KCNQ5: variants seen among roughly 807,000 people sequenced by gnomAD.
The protein encoded by KCNQ5 is potassium voltage-gated channel subfamily KQT member 5.
KCNQ5 carries 30 observed loss-of-function variants against 98.2 expected under a neutral mutation model. The observed-to-expected ratio is 0.31, with a 90% CI of 0.23 to 0.41. The LOEUF (loss-of-function observed/expected upper bound fraction) is 0.41, where lower values mean the gene tolerates loss of function less well. Among genes scored for constraint, KCNQ5 ranks in the 10% least tolerant of loss-of-function variants. The pLI, the probability that KCNQ5 is intolerant of heterozygous loss-of-function variation, is 1.00. For missense variants in KCNQ5, 835 were observed against 1,182.5 expected (o/e 0.71, Z 4.31); for synonymous variants, 458 against 449.4 (o/e 1.02, Z -0.24).
chr6:73,077,200 G>A (rs1361415600), intron 3 of KCNQ5, 122 bp from the exon 4 acceptor site: 4 of 935,554 alleles, frequency 4.3e-6, no homozygotes, highest in African/African-American at 1.7e-5. Flanking sequence ...GGTGCAGCTG[G>A]GAATCAAGAT....
chr6:72,777,327 A>G (rs1465681329), intron 1 of KCNQ5, among the ~76,000 whole-genome samples: 1 of 152,192 alleles, frequency 6.6e-6, no homozygotes, highest in African/African-American at 2.4e-5. Flanking sequence ...GTTGGTTTAG[A>G]AAAGTGGTGA....
At chr6:72,979,890 A>C (rs1046173202) in intron 1 of KCNQ5, among the ~76,000 whole-genome samples, 4 of 152,234 alleles carry the variant, frequency 2.6e-5, no homozygotes, top group African/African-American at 9.6e-5. Context: ...AGCTTTCTAC[A>C]TATGGCTAGC....
intron 1 of KCNQ5, among the ~76,000 whole-genome samples, chr6:72,793,126 G>T (rs1466310171): frequency 6.6e-6 from 1 of 152,176 alleles, no homozygotes; most frequent in South Asian, 2.1e-4. Context: ...TATCCTGCTG[G>T]ACAGTTATGT....
At chr6:73,009,605 A>T (rs1769972653) in intron 2 of KCNQ5, among the ~76,000 whole-genome samples, 1 of 152,184 alleles carries the variant, frequency 6.6e-6, no homozygotes, top group South Asian at 2.1e-4. Context: ...GGCTGTTAGA[A>T]AAGGTTGACA....
Position 72,746,886 on chromosome 6 carries a change from G to C in KCNQ5, c.398+124299G>C, listed in dbSNP as rs73753891. Among the ~76,000 whole-genome samples the C allele has an allele frequency of 7.0e-3, 1,064 of 152,032 alleles. 12 individuals are homozygous for C. The highest frequency in any genetic ancestry group is 0.025 in the African/African-American group (1,017 of 41,470). ...TTATAGATACTAATGTAGTAGTTGC[G>C]GAAAATAATGACGCTCTTTGATTCT... is the stretch of plus-strand genomic sequence containing the variant. On this transcript the variant is annotated intron_variant, in intron 1 of 13. Coordinates refer to ENST00000370398, the MANE Select transcript of KCNQ5 (RefSeq NM_019842.4).
chr6:72,771,613 A>G (rs532486957), intron 1 of KCNQ5, among the ~76,000 whole-genome samples: 1 of 151,186 alleles, frequency 6.6e-6, no homozygotes, highest in East Asian at 2.0e-4. Context: ...ATGTGAGATG[A>G]TGGATATGTT....
intron 10 of KCNQ5, among the ~76,000 whole-genome samples, chr6:73,158,501 A>T (rs2150490652): frequency 6.6e-6 from 1 of 152,144 alleles, no homozygotes; most frequent in South Asian, 2.1e-4. Flanking sequence ...TCCTGACCTC[A>T]GGGATCCGCG....
intron 5 of KCNQ5, among the ~76,000 whole-genome samples, chr6:73,080,553 A>G (rs1361532718): frequency 6.6e-6 from 1 of 152,196 alleles, no homozygotes; most frequent in Non-Finnish European, 1.5e-5. Flanking sequence ...TTAGACTATT[A>G]TACCTTTTAT....
chr6:73,139,575 A>G (rs1056532331), intron 10 of KCNQ5, among the ~76,000 whole-genome samples: 11 of 152,332 alleles, frequency 7.2e-5, no homozygotes, highest in South Asian at 4.1e-4. Context: ...TTTTAAAAAC[A>G]TAAAAGCCAG....
intron 1 of KCNQ5, chr6:72,630,510 G>A (rs1582006268): frequency 1.3e-5 from 2 of 152,198 alleles, no homozygotes; most frequent in Non-Finnish European, 2.9e-5. Flanking sequence ...AGAAAGGAAC[G>A]ATGTGGACCT....
At position 73,111,474 on chromosome 6, in the gene KCNQ5, C is replaced by T. The variant is rs144439039; in HGVS notation, c.1125+71C>T. 532 of 977,770 alleles carry T rather than the reference C, an allele frequency of 5.4e-4. 3 individuals carry two copies. In the African/African-American group the frequency reaches 8.3e-3, roughly 15 times the overall value. 60.6% of individuals were successfully genotyped at this position (977,770 alleles called of 1,614,324 possible). A position where few individuals can be genotyped will look rare whatever the true frequency, so the allele number is the denominator to read the frequency against. On this transcript the variant is annotated intron_variant, in intron 7 of 13. Coordinates refer to ENST00000370398, the MANE Select transcript of KCNQ5 (RefSeq NM_019842.4). ...TGCTTGATGGGTCATTTTCCAATCT[C>T]TGTGCTTCATTGCTTGGTAGAACTA... is the stretch of plus-strand genomic sequence containing the variant.
chr6:72,664,700 A>C (rs1766708761), intron 1 of KCNQ5, among the ~76,000 whole-genome samples: 1 of 151,904 alleles, frequency 6.6e-6, no homozygotes, highest in African/African-American at 2.4e-5. Context: ...AACAAAAAAC[A>C]CAAAAGCTAT....
chr6:72,785,951 G>A (rs1712245996), intron 1 of KCNQ5, among the ~76,000 whole-genome samples: 1 of 152,022 alleles, frequency 6.6e-6, no homozygotes, highest in Non-Finnish European at 1.5e-5. Flanking sequence ...GTCTAGAGTA[G>A]CACTACCCAA....
chr6:72,809,043 A>G (rs1367632104), intron 1 of KCNQ5, among the ~76,000 whole-genome samples: 1 of 151,804 alleles, frequency 6.6e-6, no homozygotes. Flanking sequence ...CATATACACC[A>G]TGGAATACTA....
At chr6:72,908,237 A>G (rs529463954) in intron 1 of KCNQ5, among the ~76,000 whole-genome samples, 6 of 152,202 alleles carry the variant, frequency 3.9e-5, no homozygotes, top group African/African-American at 1.2e-4. Context: ...TGTACACCAA[A>G]GGATACAAAA....
chr6:72,756,024 T>G (rs1489224864), intron 1 of KCNQ5, among the ~76,000 whole-genome samples: 1 of 152,202 alleles, frequency 6.6e-6, no homozygotes, highest in Non-Finnish European at 1.5e-5. Context: ...TGGAAAAGTT[T>G]ATAAATAAGT....
At chr6:72,917,251 G>A (rs1780186411) in intron 1 of KCNQ5, among the ~76,000 whole-genome samples, 1 of 151,908 alleles carries the variant, frequency 6.6e-6, no homozygotes, top group African/African-American at 2.4e-5. Context: ...CATTAAGCCA[G>A]AAAAAAATAC....
intron 1 of KCNQ5, among the ~76,000 whole-genome samples, chr6:72,852,791 ATAAT>A (rs1192794546): frequency 6.6e-6 from 1 of 151,110 alleles, no homozygotes; most frequent in Non-Finnish European, 1.5e-5. Flanking sequence ...TTATATAAAC[ATAAT>A]TAAATAAATT....
chr6:72,635,439 A>G (rs1245405729), intron 1 of KCNQ5, among the ~76,000 whole-genome samples: 1 of 152,186 alleles, frequency 6.6e-6, no homozygotes, highest in Non-Finnish European at 1.5e-5. Flanking sequence ...TGCTTTGTTT[A>G]AGTCTCATAA....
Sources: gnomAD v4.1 joint callset for allele counts (sites outside exome capture counted in the v4.1 genomes callset) on GRCh38, gnomAD v4.1.1 for gene constraint, MANE v1.5 for transcripts, NCBI Gene and HGNC (gene_info 2026-07-23, HGNC 2026-07-21) for gene names.